VWA8: variants seen among roughly 807,000 people sequenced by gnomAD.
VWA8 encodes von Willebrand factor A domain containing 8.
Under a neutral mutation model 241.5 loss-of-function variants are expected in VWA8, and 221 were observed. The observed-to-expected ratio is 0.91, with a 90% CI of 0.82 to 1.02. VWA8 has a LOEUF of 1.02. Among genes scored for constraint, VWA8 ranks in the 50% least tolerant of loss-of-function variants. The probability of loss-of-function intolerance (pLI) is 0.00; values close to 1 mark genes in which losing one functional copy is unlikely to be tolerated. For missense variants in VWA8, 2,322 were observed against 2,328.7 expected (o/e 1.00, Z 0.06); for synonymous variants, 852 against 827.1 (o/e 1.03, Z -0.52).
intron 9 of VWA8, among the ~76,000 whole-genome samples, chr13:41,881,832 C>T (rs1248560957): frequency 4.2e-5 from 6 of 142,068 alleles, no homozygotes; most frequent in Admixed American, 6.8e-5. Context: ...ACCTCCCGGA[C>T]GGGGCGGCTG....
chr13:41,872,817 A>C (rs1873699185), intron 9 of VWA8, among the ~76,000 whole-genome samples: 1 of 152,128 alleles, frequency 6.6e-6, no homozygotes, highest in Non-Finnish European at 1.5e-5. Context: ...TATGAACTTT[A>C]AAGTAGTTTT....
chr13:41,582,060 T>C (rs572760617), intron 42 of VWA8, among the ~76,000 whole-genome samples: 1 of 152,334 alleles, frequency 6.6e-6, no homozygotes, highest in South Asian at 2.1e-4. Context: ...TTATGCTGAT[T>C]ATAAGCAAAT....
intron 14 of VWA8, among the ~76,000 whole-genome samples, chr13:41,823,671 C>G (rs573609326): frequency 6.6e-6 from 1 of 152,126 alleles, no homozygotes; most frequent in Non-Finnish European, 1.5e-5. Flanking sequence ...CTAACCACCA[C>G]GTCCACAGCA....
At chr13:41,928,187 A>G (rs1411823163) in intron 2 of VWA8, among the ~76,000 whole-genome samples, 1 of 152,222 alleles carries the variant, frequency 6.6e-6, no homozygotes, top group Non-Finnish European at 1.5e-5. Flanking sequence ...AACAAAGGAT[A>G]TATCAACCAG....
At chr13:41,872,490 G>A (rs1391238986) in intron 9 of VWA8, among the ~76,000 whole-genome samples, 1 of 143,180 alleles carries the variant, frequency 7.0e-6, no homozygotes, top group South Asian at 2.3e-4. Context: ...TGTATAAGGT[G>A]TAAGGAAGGG....
chr13:41,917,052 C>A (rs753946746), intron 2 of VWA8, among the ~76,000 whole-genome samples: 5 of 152,162 alleles, frequency 3.3e-5, no homozygotes, highest in Non-Finnish European at 7.3e-5. Context: ...ATCCCTGATT[C>A]AATTCCTAAC....
chr13:41,815,006 G>T (rs989214103), intron 16 of VWA8, among the ~76,000 whole-genome samples: 8 of 152,182 alleles, frequency 5.3e-5, no homozygotes, highest in Non-Finnish European at 1.0e-4. Flanking sequence ...AAATAAAATG[G>T]AATAGAAATT....
Position 41,691,875 on chromosome 13 carries a change from C to A in VWA8, c.3739G>T (p.Gly1247Trp), listed in dbSNP as rs1158879098. ...AATCCTCTATAATAAAGAGCTCACC[C>A]TTTTTCTTTGTAGAACACCAGCCAG... ...KNWLVFYKEK[G>W]NSLTVLDVLE... Residue 1247 changes from glycine to tryptophan, a missense_variant and splice_region_variant, in exon 31 of 45, where the codon GGG (glycine) becomes TGG (tryptophan). Transcript: ENST00000379310. 3 of 1,607,114 alleles carry A rather than the reference C, an allele frequency of 1.9e-6. No individual in the cohort carries two copies. Among genetic ancestry groups the A allele is most frequent in the Non-Finnish European group, 2.6e-6 (3 of 1,174,580 alleles).
In VWA8 at chr13:41,830,576, C is replaced by T; in HGVS notation, c.1653G>A (p.Met551Ile). 6.2e-7 allele frequency: 1 copy of T among 1,613,950 alleles called. No individual in the cohort carries two copies. Among genetic ancestry groups the T allele is most frequent in the South Asian group, 1.1e-5 (1 of 91,078 alleles). Residue 551 changes from methionine (M) to isoleucine (I), a missense_variant, in exon 14 of 45, where the codon ATG becomes ATA. Transcript: ENST00000379310. Reference sequence around the variant, plus strand: ...ACAGTTGCAGCTCCTCCTTTAAACGCATATACCTGTCTTCTCTCAGCAGCC... The same window carrying T: ...ACAGTTGCAGCTCCTCCTTTAAACGTATATACCTGTCTTCTCTCAGCAGCC... ...GSRLLREDRY[M>I]RLKEELQLSD...
intron 37 of VWA8, among the ~76,000 whole-genome samples, chr13:41,641,124 T>C (rs2044792666): frequency 6.6e-6 from 1 of 152,184 alleles, no homozygotes; most frequent in Non-Finnish European, 1.5e-5. Flanking sequence ...TTTTAAAATC[T>C]TCAAGCACGC....
At chr13:41,842,666 A>T (rs1207878441) in intron 12 of VWA8, among the ~76,000 whole-genome samples, 2 of 152,234 alleles carry the variant, frequency 1.3e-5, no homozygotes, top group Non-Finnish European at 2.9e-5. Context: ...AAGATGCAAA[A>T]TTAAATATAA....
intron 2 of VWA8, among the ~76,000 whole-genome samples, chr13:41,947,964 C>T (rs868219862): frequency 1.3e-5 from 1 of 79,188 alleles, no homozygotes; most frequent in African/African-American, 4.1e-5. Flanking sequence ...CAAAACAAAA[C>T]ATTTTGGTAA....
rs115332707 is a variant in VWA8, at chr13:41,876,594, T to A, written c.1080+6793A>T. Among the ~76,000 whole-genome samples the A allele has an allele frequency of 1.7e-3, 263 of 152,216 alleles. 2 individuals are homozygous for A. Among genetic ancestry groups the A allele is most frequent in the African/African-American group, 5.8e-3 (242 of 41,574 alleles). Reference sequence around the variant, plus strand: ...TTATATACTTATTTACTTACTTGACTGACAGTCGCCCTTCATTGAAAAATA... The same window carrying A: ...TTATATACTTATTTACTTACTTGACAGACAGTCGCCCTTCATTGAAAAATA... On this transcript the variant is annotated intron_variant, in intron 9 of 44. Coordinates refer to ENST00000379310, the MANE Select transcript of VWA8 (RefSeq NM_015058.2).
At chr13:41,898,768 G>A (rs919770366) in intron 4 of VWA8, among the ~76,000 whole-genome samples, 3 of 150,584 alleles carry the variant, frequency 2.0e-5, no homozygotes, top group African/African-American at 7.3e-5. Context: ...GCGCAGCGCC[G>A]GTGGGCTGGC....
intron 21 of VWA8, among the ~76,000 whole-genome samples, chr13:41,753,918 A>G: frequency 6.6e-6 from 1 of 152,120 alleles, no homozygotes. Flanking sequence ...TGCCTTTTTT[A>G]GGTCTTTTAG....
At chr13:41,577,686 G>T (rs571607412) in intron 42 of VWA8, among the ~76,000 whole-genome samples, 15 of 152,318 alleles carry the variant, frequency 9.8e-5, no homozygotes, top group Admixed American at 3.3e-4. Context: ...TTCATTATGG[G>T]CTGGTGAAGT....
At chr13:41,690,058 G>T in intron 33 of VWA8, 108 bp downstream of exon 33, 5 of 909,452 alleles carry the variant, frequency 5.5e-6, no homozygotes, top group Admixed American at 3.2e-5. Context: ...TTTTCTTTTG[G>T]TGTAAACTTA....
At chr13:41,723,712 TA>T (rs1213924556) in intron 24 of VWA8, among the ~76,000 whole-genome samples, 2 of 152,212 alleles carry the variant, frequency 1.3e-5, no homozygotes, top group Non-Finnish European at 2.9e-5. Context: ...CAAAAGACTA[TA>T]AATTAATCAG....
At chr13:41,920,717 C>T (rs1295440877) in intron 2 of VWA8, among the ~76,000 whole-genome samples, 3 of 152,170 alleles carry the variant, frequency 2.0e-5, no homozygotes, top group Non-Finnish European at 4.4e-5. Flanking sequence ...TCGACACATA[C>T]ACCCTCCCAA....
Sources: gnomAD v4.1 joint callset for allele counts (sites outside exome capture counted in the v4.1 genomes callset) on GRCh38, gnomAD v4.1.1 for gene constraint, MANE v1.5 for transcripts, NCBI Gene and HGNC (gene_info 2026-07-23, HGNC 2026-07-21) for gene names.